The following CHN2 variants were observed in gnomAD, a reference collection of about 807,000 sequenced individuals.
CHN2 encodes the protein beta-chimaerin.
In CHN2, 35 loss-of-function variants were observed where a neutral mutation model predicts 56.3. The observed-to-expected ratio is 0.62, with a 90% CI of 0.47 to 0.82. The LOEUF is 0.82. Ranked by LOEUF, CHN2 falls within the 40% of genes least tolerant of loss-of-function variation. The pLI, the probability that CHN2 is intolerant of heterozygous loss-of-function variation, is 0.00. For synonymous variants in CHN2, 210 were observed against 212.8 expected, an observed-to-expected ratio of 0.99 and a Z score of 0.12; for missense variants, 491 against 580.5, an observed-to-expected ratio of 0.85 and a Z score of 1.58.
At chr7:29,158,171 G>A (rs1367573762) in intron 2 of CHN2, among the ~76,000 whole-genome samples, 1 of 152,172 alleles carries the variant, frequency 6.6e-6, no homozygotes, top group African/African-American at 2.4e-5. Context: ...TTAGAGTTGA[G>A]TATATTAAGA....
intron 7 of CHN2, among the ~76,000 whole-genome samples, chr7:29,489,975 C>T (rs1164118272): frequency 6.6e-6 from 1 of 152,094 alleles, no homozygotes; most frequent in Non-Finnish European, 1.5e-5. Flanking sequence ...GCATTCTGTC[C>T]ACGTGTAGTA....
At chr7:29,510,755 T>A (rs1404156226) in intron 12 of CHN2, among the ~76,000 whole-genome samples, 1 of 152,170 alleles carries the variant, frequency 6.6e-6, no homozygotes, top group East Asian at 1.9e-4. Flanking sequence ...TAGAAGCAAA[T>A]CAAGTCCATC....
At chr7:29,304,926 G>T (rs1347119975) in intron 1 of CHN2, among the ~76,000 whole-genome samples, 6 of 152,238 alleles carry the variant, frequency 3.9e-5, no homozygotes, top group African/African-American at 1.4e-4. Flanking sequence ...TGTGGCCTTA[G>T]GGGATGACTG....
intron 1 of CHN2, among the ~76,000 whole-genome samples, chr7:29,347,433 T>G (rs1349527933): frequency 2.0e-5 from 3 of 152,110 alleles, no homozygotes; most frequent in African/African-American, 7.2e-5. Flanking sequence ...CAGATCTGCA[T>G]GGCTGGGGAG....
intron 2 of CHN2, among the ~76,000 whole-genome samples, chr7:29,188,296 T>G (rs1798969519): frequency 6.6e-6 from 1 of 152,194 alleles, no homozygotes; most frequent in Non-Finnish European, 1.5e-5. Flanking sequence ...AATATAAGAT[T>G]AAATAATTTG....
At position 29,391,669 on chromosome 7, in the gene CHN2, C is replaced by T. The variant is rs533397159; in HGVS notation, c.145-2010C>T. Among the ~76,000 whole-genome samples the T allele has an allele frequency of 2.0e-5, 3 of 152,268 alleles. No individual in the cohort carries two copies. In the South Asian group the frequency reaches 6.2e-4, roughly 32 times the overall value. ...TTCAAGGCACCCTAAATATCAGCTT[C>T]CCTCTTTGGGGGTCTATGTTAGATT... On this transcript the variant is annotated intron_variant, in intron 3 of 12. Transcript: ENST00000222792.
Position 29,432,777 on chromosome 7 carries a change from CGTT to C in CHN2, c.576+31956_576+31958del, listed in dbSNP as rs751444213. On this transcript the variant is annotated intron_variant, in intron 6 of 12. Transcript: ENST00000222792. The stretch of plus-strand genomic sequence containing the variant: ...TCACGGGTAATCCTGGTTTATCTCT[CGTT>C]GTTGTTTTGTTCATCGTTAGGGTAT... Among the ~76,000 whole-genome samples the C allele has an allele frequency of 1.1e-3, 166 of 152,234 alleles. 1 individual carries two copies. The highest frequency in any genetic ancestry group is 1.6e-3 in the Non-Finnish European group (109 of 68,024).
chr7:29,398,811 G>A (rs1002087114), intron 5 of CHN2, among the ~76,000 whole-genome samples: 17 of 147,836 alleles, frequency 1.1e-4, no homozygotes, highest in Non-Finnish European at 1.8e-4. Context: ...CATGTTGCCC[G>A]GGCTGGTCTT....
Position 29,352,350 on chromosome 7 carries a change from C to CGTGTGTGTGTGTGT in CHN2, c.50-2270_50-2257dup, listed in dbSNP as rs60859228. On this transcript the variant is annotated intron_variant, in intron 1 of 12. Coordinates refer to ENST00000222792, the MANE Select transcript of CHN2 (RefSeq NM_004067.4). ...GGATTTGCATTTGTGTGCAGTCTGT[C>CGTGTGTGTGTGTGT]GTGTGTGTGTGTGTGTGTATGTGTG... Among the ~76,000 whole-genome samples the CGTGTGTGTGTGTGT allele has an allele frequency of 6.9e-3, 1,028 of 149,958 alleles. 12 individuals are homozygous for CGTGTGTGTGTGTGT. The highest frequency in any genetic ancestry group is 0.025 in the African/African-American group (994 of 40,266).
At chr7:29,390,632 G>A (rs527605697) in intron 3 of CHN2, among the ~76,000 whole-genome samples, 10 of 152,252 alleles carry the variant, frequency 6.6e-5, no homozygotes, top group Admixed American at 2.0e-4. Flanking sequence ...CTATCCTGTC[G>A]CCTTCACACC....
At chr7:29,229,608 A>T (rs1403236571) in intron 1 of CHN2, among the ~76,000 whole-genome samples, 1 of 152,228 alleles carries the variant, frequency 6.6e-6, no homozygotes, top group Non-Finnish European at 1.5e-5. Flanking sequence ...GAATCCTAGG[A>T]CTGGAAAGAA....
chr7:29,458,111 G>A (rs1784898180), intron 6 of CHN2, among the ~76,000 whole-genome samples: 1 of 152,120 alleles, frequency 6.6e-6, no homozygotes, highest in Non-Finnish European at 1.5e-5. Context: ...TGTCACAAAA[G>A]ACAGTGTTAT....
At chr7:29,222,523 A>T (rs183778081) in intron 1 of CHN2, among the ~76,000 whole-genome samples, 1 of 152,236 alleles carries the variant, frequency 6.6e-6, no homozygotes, top group Non-Finnish European at 1.5e-5. Context: ...TGGAATAGAG[A>T]ACTCAGAAAT....
intron 1 of CHN2, among the ~76,000 whole-genome samples, chr7:29,230,985 A>G (rs1786654227): frequency 6.6e-6 from 1 of 152,190 alleles, no homozygotes; most frequent in Non-Finnish European, 1.5e-5. Context: ...CGTTTTGCAG[A>G]TGTGGTACAG....
At chr7:29,438,199 C>T (rs1195620801) in intron 6 of CHN2, among the ~76,000 whole-genome samples, 2 of 152,224 alleles carry the variant, frequency 1.3e-5, no homozygotes, top group Non-Finnish European at 2.9e-5. Context: ...GGGCATACCC[C>T]ACACCAGCCT....
chr7:29,377,702 G>A (rs757279996), intron 3 of CHN2, among the ~76,000 whole-genome samples: 3 of 152,196 alleles, frequency 2.0e-5, no homozygotes, highest in Non-Finnish European at 4.4e-5. Flanking sequence ...CTGGCATCTG[G>A]CTGATGCTGA....
chr7:29,285,076 C>T (rs1347593643), intron 1 of CHN2, among the ~76,000 whole-genome samples: 1 of 152,234 alleles, frequency 6.6e-6, no homozygotes, highest in East Asian at 1.9e-4. Flanking sequence ...TGAGCCGCTT[C>T]TGTTCTTTGC....
chr7:29,436,422 G>C (rs780620988), intron 6 of CHN2, among the ~76,000 whole-genome samples: 1 of 152,002 alleles, frequency 6.6e-6, no homozygotes, highest in Non-Finnish European at 1.5e-5. Context: ...TGAATATTAC[G>C]CTTGAATATT....
At chr7:29,435,093 A>G (rs747818773) in intron 6 of CHN2, among the ~76,000 whole-genome samples, 1 of 152,232 alleles carries the variant, frequency 6.6e-6, no homozygotes, top group Non-Finnish European at 1.5e-5. Context: ...CCCTGTCTCA[A>G]AAAAGAAACA....
Sources: gnomAD v4.1 joint callset for allele counts (sites outside exome capture counted in the v4.1 genomes callset) on GRCh38, gnomAD v4.1.1 for gene constraint, MANE v1.5 for transcripts, NCBI Gene and HGNC (gene_info 2026-07-23, HGNC 2026-07-21) for gene names.